Variants in PDCD11 observed in about 807,000 individuals in gnomAD.
PDCD11 encodes programmed cell death 11.
Under a neutral mutation model 198.9 loss-of-function variants are expected in PDCD11, and 97 were observed. The observed-to-expected ratio is 0.49, with a 90% CI of 0.41 to 0.58. The LOEUF is 0.58. Among genes scored for constraint, PDCD11 ranks in the 20% least tolerant of loss-of-function variants. The pLI, the probability that PDCD11 is intolerant of heterozygous loss-of-function variation, is 0.00. For missense variants in PDCD11, 2,102 were observed against 2,312.7 expected (o/e 0.91, Z 1.87); for synonymous variants, 893 against 918.0 (o/e 0.97, Z 0.49).
chr10:103,424,862 C>G (rs1393303036), intron 19 of PDCD11, 122 bp from the exon 20 acceptor site: 16 of 1,096,108 alleles, frequency 1.5e-5, no homozygotes, highest in Non-Finnish European at 2.1e-5. Context: ...TCAGACCAGC[C>G]TTGAGTTCCC....
Position 103,427,465 on chromosome 10 carries a change from T to C in PDCD11, c.3368+74T>C, listed in dbSNP as rs1340512784. 20 of 1,227,456 alleles carry C rather than the reference T, an allele frequency of 1.6e-5. 1 individual carries two copies. The highest frequency in any genetic ancestry group is 3.0e-5 in the African/African-American group (2 of 65,980). 76.0% of individuals were successfully genotyped at this position (1,227,456 alleles called of 1,614,324 possible). Reference sequence around the variant, plus strand: ...TGGAATTAGGAATCCCGAATTCGAATCTTGATTTTACCAGTGTTAGGATTG... The same window carrying C: ...TGGAATTAGGAATCCCGAATTCGAACCTTGATTTTACCAGTGTTAGGATTG... On this transcript the variant is annotated intron_variant, in intron 21 of 35. Coordinates refer to ENST00000369797, the MANE Select transcript of PDCD11 (RefSeq NM_014976.2).
At position 103,425,131 on chromosome 10, in the gene PDCD11, C is replaced by T; in HGVS notation, c.2911C>T (p.Gln971Ter). ...DTFRFDSEKL[Q>*]VGQGVSLTLK... ...CTTCCGCTTTGACTCAGAGAAATTG[C>T]AGGTGGGACAGGGTGTCTCCCTAAC... The change falls in exon 20 of 36, where the codon CAG becomes TAG. Residue 971 changes from glutamine to a stop codon, truncating the protein, a stop_gained. Coordinates refer to ENST00000369797, the MANE Select transcript of PDCD11 (RefSeq NM_014976.2). LOFTEE classifies it high-confidence loss of function. 1 of 1,614,214 alleles carries T rather than the reference C, an allele frequency of 6.2e-7. No homozygotes were observed. Among genetic ancestry groups the T allele is most frequent in the Non-Finnish European group, 8.5e-7 (1 of 1,180,046 alleles).
At chr10:103,406,505 TG>T in intron 6 of PDCD11, 103 bp from the exon 7 acceptor site, 1 of 970,374 alleles carries the variant, frequency 1.0e-6, no homozygotes, top group South Asian at 1.7e-5. Flanking sequence ...TGATGCTAAC[TG>T]GGCAGGTAGG....
At position 103,406,712 on chromosome 10, in the gene PDCD11, G is replaced by A. The variant is rs1412060312; in HGVS notation, c.792G>A (p.Thr264=). 4 of 1,614,002 alleles carry A rather than the reference G, an allele frequency of 2.5e-6. No individual in the cohort carries two copies. The highest frequency in any genetic ancestry group is 2.5e-6 in the Non-Finnish European group (3 of 1,180,012). Residue 264 remains threonine (T), a synonymous_variant, in exon 7 of 36, where the codon ACG becomes ACA. Coordinates refer to ENST00000369797, the MANE Select transcript of PDCD11 (RefSeq NM_014976.2). ...CTGTTGGTCACTCAGAGGTTTCTAC[G>A]GCCATTGCTACTGAACAGCAGAGCT... is the stretch of plus-strand genomic sequence containing the variant. ...SLSVGHSEVS[T]AIATEQQSWN...
chr10:103,425,579 G>A, intron 20 of PDCD11, 54 bp downstream of exon 20: 1 of 1,522,944 alleles, frequency 6.6e-7, no homozygotes, highest in Admixed American at 1.9e-5. Context: ...GTTGTTGTGG[G>A]AGGACTGGGA....
Position 103,414,091 on chromosome 10 carries a change from G to GT in PDCD11, c.1310+2dup. On this transcript the variant is annotated splice_donor_variant, in intron 10 of 35. Transcript: ENST00000369797. LOFTEE classifies it high-confidence loss of function. ...AACTGGCCTTGCTCTCTCTACGAAC[G>GT]TAAGTCTGTCATTAACAGGTAGGGG... The GT allele has an allele frequency of 6.2e-7, 1 of 1,609,572 alleles. No individual in the cohort carries two copies. Among genetic ancestry groups the GT allele is most frequent in the Non-Finnish European group, 8.5e-7 (1 of 1,177,852 alleles).
intron 15 of PDCD11, among the ~76,000 whole-genome samples, chr10:103,418,933 C>T (rs1455454986): frequency 6.6e-6 from 1 of 151,554 alleles, no homozygotes; most frequent in Non-Finnish European, 1.5e-5. Context: ...GCTTTCAGTG[C>T]CTGCCCCTTG....
rs778189439 is a variant in PDCD11, at chr10:103,414,989, T to C, written c.1372-16T>C. ...ATTCTTGAGACATTGTGGCAGCTTA[T>C]CTTTGGATTCTCTAGGGCACAGTGC... is the stretch of plus-strand genomic sequence containing the variant. On this transcript the variant is annotated splice_polypyrimidine_tract_variant and intron_variant, in intron 11 of 35. Transcript: ENST00000369797. 45 of 1,613,514 alleles carry C rather than the reference T, an allele frequency of 2.8e-5. No individual in the cohort carries two copies. In the African/African-American group the frequency reaches 5.3e-4, roughly 19 times the overall value.
intron 8 of PDCD11, among the ~76,000 whole-genome samples, chr10:103,412,898 T>C (rs542729597): frequency 6.6e-6 from 1 of 152,354 alleles, no homozygotes; most frequent in East Asian, 1.9e-4. Flanking sequence ...CATACCTGGC[T>C]TGAGTAAGCT....
chr10:103,423,451 T>G lies in PDCD11; in HGVS notation c.2648-92T>G, dbSNP rs534357184. ...AGGACATGTGTCCTCTTTGCTTTTT[T>G]GGATCTAAGGGGTAGCAGCTACATG... On this transcript the variant is annotated intron_variant, in intron 18 of 35. Coordinates refer to ENST00000369797, the MANE Select transcript of PDCD11 (RefSeq NM_014976.2). The G allele has an allele frequency of 4.5e-5, 44 of 968,228 alleles. No homozygotes were observed. The East Asian group carries it at 8.5e-4, about 19-fold the overall frequency. The allele number at this position is 968,228 out of a possible 1,614,324, so 60.0% of individuals were successfully genotyped here. A position where few individuals can be genotyped will look rare whatever the true frequency, so the allele number is the denominator to read the frequency against.
intron 15 of PDCD11, among the ~76,000 whole-genome samples, chr10:103,418,912 G>A (rs1234958056): frequency 1.3e-5 from 2 of 152,100 alleles, no homozygotes; most frequent in Non-Finnish European, 1.5e-5. Flanking sequence ...AGCACATCTA[G>A]TTTTCTTGGG....
chr10:103,424,417 C>T (rs961571246), intron 19 of PDCD11, among the ~76,000 whole-genome samples: 1 of 152,158 alleles, frequency 6.6e-6, no homozygotes, highest in Non-Finnish European at 1.5e-5. Flanking sequence ...GCAATACTAA[C>T]CTCTCATTCA....
At chr10:103,405,499 G>C (rs11191679) in intron 5 of PDCD11, 1 of 233,810 alleles carries the variant, frequency 4.3e-6, no homozygotes, top group Non-Finnish European at 8.4e-6. Context: ...CCACCTCCTG[G>C]GTTTAAGCAA....
At chr10:103,404,883 T>C (rs1316937498) in intron 4 of PDCD11, 139 bp from the exon 5 acceptor site, 9 of 670,170 alleles carry the variant, frequency 1.3e-5, no homozygotes, top group East Asian at 2.9e-5. Flanking sequence ...ACTTCCTTTG[T>C]GGATGGGGGG....
At chr10:103,419,875 C>T (rs916428620) in intron 16 of PDCD11, among the ~76,000 whole-genome samples, 167 bp downstream of exon 16, 2 of 151,612 alleles carry the variant, frequency 1.3e-5, no homozygotes, top group Admixed American at 6.6e-5. Flanking sequence ...CTGTAACCTC[C>T]GCCTCCTGGG....
intron 18 of PDCD11, 96 bp downstream of exon 18, chr10:103,423,233 G>A (rs1292287335): frequency 1.5e-5 from 19 of 1,287,092 alleles, no homozygotes; most frequent in Non-Finnish European, 2.0e-5. Context: ...CTTACGGTAG[G>A]TGAGTTGATT....
Position 103,440,659 on chromosome 10 carries a change from C to T in PDCD11, c.4441-75C>T, listed in dbSNP as rs2032345443. ...CATGAGGGCGTGGGGACAGGGCACC[C>T]AGTGGGGCCGAGGGAGGGTGTCGCC... On this transcript the variant is annotated intron_variant, in intron 29 of 35. Coordinates refer to ENST00000369797, the MANE Select transcript of PDCD11 (RefSeq NM_014976.2). 3.0e-5 allele frequency: 49 copies of T among 1,612,330 alleles called. 1 individual carries two copies. The South Asian group carries it at 4.0e-4, about 13-fold the overall frequency.
At chr10:103,413,815 G>GT in intron 9 of PDCD11, 151 bp from the exon 10 acceptor site, 1 of 745,260 alleles carries the variant, frequency 1.3e-6, no homozygotes, top group Non-Finnish European at 2.0e-6. Context: ...ATAAAGAGCA[G>GT]TTTTTTAGTG....
chr10:103,406,901 C>A lies in PDCD11; in HGVS notation c.870+111C>A, dbSNP rs558626919. On this transcript the variant is annotated intron_variant, in intron 7 of 35. Coordinates refer to ENST00000369797, the MANE Select transcript of PDCD11 (RefSeq NM_014976.2). ...GATAAAGGTAGTCACTAGTCACTTA[C>A]GCCCATTGAGCATTTCAAATGTGGC... is the stretch of plus-strand genomic sequence containing the variant. 10 of 806,356 alleles carry A rather than the reference C, an allele frequency of 1.2e-5. No homozygotes were observed. In the African/African-American group the frequency reaches 1.6e-4, roughly 13 times the overall value. 50.0% of individuals were successfully genotyped at this position (806,356 alleles called of 1,614,324 possible).
Sources: allele counts gnomAD v4.1 joint callset (sites outside exome capture counted in the v4.1 genomes callset), GRCh38; gene constraint gnomAD v4.1.1; transcripts MANE v1.5; gene names NCBI Gene and HGNC (gene_info 2026-07-23, HGNC 2026-07-21).